Variants in TENM3 observed in about 807,000 individuals in gnomAD.
The protein encoded by TENM3 is teneurin transmembrane protein 3.
A neutral mutation model predicts 255.1 loss-of-function variants in TENM3; 63 were observed. The observed-to-expected ratio is 0.25, with a 90% CI of 0.20 to 0.30. The LOEUF (loss-of-function observed/expected upper bound fraction) is 0.30. Ranked by LOEUF, TENM3 falls within the 10% of genes least tolerant of loss-of-function variation. The probability of loss-of-function intolerance (pLI) is 1.00; values close to 1 mark genes in which losing one functional copy is unlikely to be tolerated. For missense variants in TENM3, 2,929 were observed against 3,461.1 expected, an observed-to-expected ratio of 0.85 and a Z score of 3.86; for synonymous variants, 1,306 against 1,322.3, an observed-to-expected ratio of 0.99 and a Z score of 0.27.
At chr4:182,650,889 A>AAAAAAAATATATATATAT (rs1281790163) in intron 5 of TENM3, among the ~76,000 whole-genome samples, 8 of 29,758 alleles carry the variant, frequency 2.7e-4, no homozygotes, top group South Asian at 8.9e-4. Flanking sequence ...AATAAAAAAA[A>AAAAAAAATATATATATAT]ATATATATAT....
intron 3 of TENM3, among the ~76,000 whole-genome samples, chr4:182,382,428 C>A (rs1232043434): frequency 6.6e-6 from 1 of 151,444 alleles, no homozygotes; most frequent in Non-Finnish European, 1.5e-5. Flanking sequence ...CAAAATAGCT[C>A]AAATGAGCAA....
At chr4:181,468,043 C>A in the TENM3 span, among the ~76,000 whole-genome samples, 1 of 151,558 alleles carries the variant, frequency 6.6e-6, no homozygotes, top group Admixed American at 6.6e-5. Flanking sequence ...TGCCTGTAAT[C>A]CCAGCACTCT....
intron 3 of TENM3, among the ~76,000 whole-genome samples, chr4:182,351,473 A>G (rs970728286): frequency 8.5e-5 from 13 of 152,058 alleles, no homozygotes; most frequent in African/African-American, 3.1e-4. Flanking sequence ...TACCCCCTGA[A>G]TCACCTAGAG....
At chr4:182,600,882 T>TA (rs773859818) in intron 3 of TENM3, 42 bp from the exon 4 acceptor site, 1 of 1,015,024 alleles carries the variant, frequency 9.9e-7, no homozygotes, top group South Asian at 1.5e-5. Flanking sequence ...TATATATATA[T>TA]AATGAGTTCT....
chr4:181,858,322 C>T, the TENM3 span, among the ~76,000 whole-genome samples: 1 of 152,118 alleles, frequency 6.6e-6, no homozygotes, highest in East Asian at 1.9e-4. Context: ...TTGCCTTGCT[C>T]TTACTTTTAA....
intron 3 of TENM3, among the ~76,000 whole-genome samples, chr4:182,597,104 T>C (rs1747319378): frequency 6.6e-6 from 1 of 152,202 alleles, no homozygotes; most frequent in African/African-American, 2.4e-5. Context: ...TTGTTCTTTA[T>C]GCAAAGACTT....
chr4:182,335,494 CAAAA>C (rs372965020), intron 2 of TENM3, among the ~76,000 whole-genome samples: 4,468 of 52,250 alleles, frequency 0.086, 86 homozygotes, highest in Non-Finnish European at 0.12. Flanking sequence ...GACTCCGCCT[CAAAA>C]AAAAAAAAAA....
chr4:182,444,705 T>C (rs1260688451), intron 3 of TENM3, among the ~76,000 whole-genome samples: 1 of 152,208 alleles, frequency 6.6e-6, no homozygotes, highest in African/African-American at 2.4e-5. Context: ...AAGTTATCAA[T>C]TTTTAAATGG....
chr4:182,056,326 T>G, the TENM3 span, among the ~76,000 whole-genome samples: 1 of 152,322 alleles, frequency 6.6e-6, no homozygotes, highest in East Asian at 1.9e-4. Context: ...TGAAAATGTC[T>G]TCCCGTGTCC....
chr4:182,058,266 C>A, the TENM3 span, among the ~76,000 whole-genome samples: 1 of 151,678 alleles, frequency 6.6e-6, no homozygotes, highest in Non-Finnish European at 1.5e-5. Flanking sequence ...TGTAGACAGT[C>A]GTATGGCTAC....
At chr4:181,691,609 C>T in the TENM3 span, among the ~76,000 whole-genome samples, 2 of 151,918 alleles carry the variant, frequency 1.3e-5, no homozygotes, top group Non-Finnish European at 2.9e-5. Flanking sequence ...CAAATAAATC[C>T]TGCAATAGGA....
the TENM3 span, among the ~76,000 whole-genome samples, chr4:181,952,764 C>G: frequency 1.3e-5 from 2 of 152,342 alleles, no homozygotes; most frequent in South Asian, 4.1e-4. Context: ...GCCTCAGATT[C>G]GGAGATCAGT....
chr4:182,431,496 C>CAAAGA (rs984274492), intron 3 of TENM3, among the ~76,000 whole-genome samples: 14 of 151,868 alleles, frequency 9.2e-5, no homozygotes, highest in South Asian at 2.1e-4. Flanking sequence ...CCTCTCAATA[C>CAAAGA]AAAGAAAAGA....
chr4:181,682,607 C>T, the TENM3 span, among the ~76,000 whole-genome samples: 1 of 152,138 alleles, frequency 6.6e-6, no homozygotes, highest in African/African-American at 2.4e-5. Context: ...TATATATGCA[C>T]ATATGCATTC....
intron 3 of TENM3, among the ~76,000 whole-genome samples, chr4:182,421,683 C>G (rs2151139477): frequency 6.6e-6 from 1 of 151,966 alleles, no homozygotes; most frequent in Non-Finnish European, 1.5e-5. Flanking sequence ...TGGATCAGAT[C>G]TATTTTTATA....
At chr4:182,655,739 G>T (rs1047609204) in intron 6 of TENM3, among the ~76,000 whole-genome samples, 2 of 152,086 alleles carry the variant, frequency 1.3e-5, no homozygotes, top group South Asian at 2.1e-4. Flanking sequence ...AGAAATCTCC[G>T]TAAAGCTGGA....
At chr4:182,126,593 T>C in the TENM3 span, among the ~76,000 whole-genome samples, 1 of 152,166 alleles carries the variant, frequency 6.6e-6, no homozygotes, top group Non-Finnish European at 1.5e-5. Context: ...GTGATCTTCT[T>C]GCTGTGCCCA....
chr4:182,481,491 T>G (rs888235032), intron 3 of TENM3, among the ~76,000 whole-genome samples: 1 of 152,192 alleles, frequency 6.6e-6, no homozygotes, highest in Admixed American at 6.5e-5. Flanking sequence ...AAATTATTTT[T>G]CTACTTTAAA....
intron 6 of TENM3, among the ~76,000 whole-genome samples, chr4:182,658,915 C>T (rs748954980): frequency 6.6e-6 from 1 of 152,200 alleles, no homozygotes; most frequent in Non-Finnish European, 1.5e-5. Context: ...TAGAACATAG[C>T]AGCTGGTTCT....
Sources: gnomAD v4.1 joint callset for allele counts (sites outside exome capture counted in the v4.1 genomes callset) on GRCh38, gnomAD v4.1.1 for gene constraint, MANE v1.5 for transcripts, NCBI Gene and HGNC (gene_info 2026-07-23, HGNC 2026-07-21) for gene names.